The following ATRNL1 variants were observed in gnomAD, a reference collection of about 807,000 sequenced individuals.
The protein encoded by ATRNL1 is attractin like 1.
In ATRNL1, 95 loss-of-function variants were observed where a neutral mutation model predicts 182.7. The ratio of observed to expected loss-of-function variants is 0.52; its 90% CI spans 0.44 to 0.62. The LOEUF (loss-of-function observed/expected upper bound fraction) is 0.62. Ranked by LOEUF, ATRNL1 falls within the 20% of genes least tolerant of loss-of-function variation. The pLI is 0.00. For synonymous variants in ATRNL1, 576 were observed against 568.3 expected (o/e 1.01, Z -0.19); for missense variants, 1,471 against 1,679.5 (o/e 0.88, Z 2.17).
intron 8 of ATRNL1, among the ~76,000 whole-genome samples, chr10:115,186,572 G>A (rs1340318690): frequency 6.6e-6 from 1 of 151,956 alleles, no homozygotes; most frequent in Admixed American, 6.6e-5. Flanking sequence ...GATGGAACTG[G>A]AAATCATTAA....
At chr10:115,479,100 C>G (rs974908150) in intron 24 of ATRNL1, among the ~76,000 whole-genome samples, 3 of 151,546 alleles carry the variant, frequency 2.0e-5, no homozygotes, top group Admixed American at 6.6e-5. Flanking sequence ...GCAAAATTCA[C>G]TGGTTCTATT....
rs1460149611 is a variant in ATRNL1, at chr10:115,549,360, AC to A, written c.3717-97del. 8 of 634,088 alleles carry A rather than the reference AC, an allele frequency of 1.3e-5. No individual in the cohort carries two copies. The Admixed American group carries it at 3.2e-4, about 25-fold the overall frequency. The allele number at this position is 634,088 out of a possible 1,614,324, so 39.3% of individuals were successfully genotyped here. A position where few individuals can be genotyped will look rare whatever the true frequency, so the allele number is the denominator to read the frequency against. ...GATTGTTTACCTAGACAAAGTTATT[AC>A]TTATATATATATGTATTTGAGTCTT... On this transcript the variant is annotated intron_variant, in intron 25 of 28. Transcript: ENST00000355044.
intron 27 of ATRNL1, among the ~76,000 whole-genome samples, chr10:115,739,944 A>G (rs1452939350): frequency 6.6e-6 from 1 of 152,208 alleles, no homozygotes; most frequent in Non-Finnish European, 1.5e-5. Flanking sequence ...TACACGCAGT[A>G]GGAGATAATC....
intron 26 of ATRNL1, among the ~76,000 whole-genome samples, chr10:115,561,658 G>A (rs1471656813): frequency 7.8e-6 from 1 of 128,928 alleles, no homozygotes; most frequent in Non-Finnish European, 1.6e-5. Flanking sequence ...TGCAGATACC[G>A]AGGGACAACT....
chr10:115,679,367 C>T (rs1372758923), intron 26 of ATRNL1, among the ~76,000 whole-genome samples: 2 of 151,786 alleles, frequency 1.3e-5, no homozygotes, highest in South Asian at 4.2e-4. Context: ...GTACAACCCT[C>T]TCTGAAACTC....
intron 26 of ATRNL1, among the ~76,000 whole-genome samples, chr10:115,568,805 C>T (rs188377343): frequency 6.6e-6 from 1 of 151,894 alleles, no homozygotes; most frequent in East Asian, 1.9e-4. Flanking sequence ...TCACATTTAT[C>T]TATAACCTAG....
chr10:115,547,244 G>T (rs1852708359), intron 25 of ATRNL1, among the ~76,000 whole-genome samples: 1 of 140,684 alleles, frequency 7.1e-6, no homozygotes, highest in African/African-American at 2.7e-5. Context: ...GACAGAGTGA[G>T]ACTCCATCTC....
At chr10:115,636,628 C>T (rs989284729) in intron 26 of ATRNL1, among the ~76,000 whole-genome samples, 14 of 152,128 alleles carry the variant, frequency 9.2e-5, no homozygotes, top group Admixed American at 9.2e-4. Context: ...AAAGTGATTT[C>T]ATCTTTTATA....
At chr10:115,350,687 G>A (rs189099575) in intron 19 of ATRNL1, among the ~76,000 whole-genome samples, 3 of 152,152 alleles carry the variant, frequency 2.0e-5, no homozygotes, top group South Asian at 4.2e-4. Context: ...ACCATAATTC[G>A]AAGTCAGGTA....
chr10:115,547,935 T>G (rs964881597), intron 25 of ATRNL1, among the ~76,000 whole-genome samples: 1 of 152,230 alleles, frequency 6.6e-6, no homozygotes, highest in Non-Finnish European at 1.5e-5. Flanking sequence ...TTAGTATCAC[T>G]GACTTTTTAA....
intron 10 of ATRNL1, among the ~76,000 whole-genome samples, chr10:115,255,297 C>T (rs1851071885): frequency 6.6e-6 from 1 of 152,026 alleles, no homozygotes; most frequent in Non-Finnish European, 1.5e-5. Flanking sequence ...TGTTTGTGTC[C>T]TCTTTTATTT....
intron 5 of ATRNL1, among the ~76,000 whole-genome samples, chr10:115,148,820 G>A (rs1316302803): frequency 1.4e-5 from 2 of 146,142 alleles, no homozygotes; most frequent in Non-Finnish European, 3.0e-5. Flanking sequence ...TGCGATCTTG[G>A]CTCACTGCAA....
At chr10:115,239,377 C>T (rs374909761) in intron 9 of ATRNL1, among the ~76,000 whole-genome samples, 2 of 151,962 alleles carry the variant, frequency 1.3e-5, no homozygotes, top group South Asian at 2.1e-4. Context: ...GGACTACAGG[C>T]GCAGGCTACC....
chr10:115,631,314 T>C (rs1346287803), intron 26 of ATRNL1, among the ~76,000 whole-genome samples: 2 of 152,080 alleles, frequency 1.3e-5, no homozygotes, highest in African/African-American at 4.8e-5. Context: ...TATCAAAATA[T>C]ATTGTATACC....
At chr10:115,125,332 T>A (rs1264390506) in intron 3 of ATRNL1, among the ~76,000 whole-genome samples, 1 of 152,196 alleles carries the variant, frequency 6.6e-6, no homozygotes, top group Non-Finnish European at 1.5e-5. Context: ...GAAGGTTGCC[T>A]AGCTGGTAAG....
chr10:115,674,671 T>C (rs782070834), intron 26 of ATRNL1, among the ~76,000 whole-genome samples: 3 of 152,114 alleles, frequency 2.0e-5, no homozygotes, highest in African/African-American at 4.8e-5. Flanking sequence ...AGAGATCTTC[T>C]TGGAAAATTC....
Position 115,739,197 on chromosome 10 carries a change from G to C in ATRNL1, c.3903+11842G>C, listed in dbSNP as rs1643843843. Among the ~76,000 whole-genome samples the C allele has an allele frequency of 2.6e-5, 4 of 152,218 alleles. No homozygotes were observed. The South Asian group carries it at 8.3e-4, about 32-fold the overall frequency. On this transcript the variant is annotated intron_variant, in intron 27 of 28. Coordinates refer to ENST00000355044, the MANE Select transcript of ATRNL1 (RefSeq NM_207303.4). ...GGATGTACAAAAGGCTTATAGTCCT[G>C]ATCAACCTTATTCATACTGGCTGCC...
intron 21 of ATRNL1, among the ~76,000 whole-genome samples, chr10:115,461,365 A>G (rs1847788396): frequency 6.6e-6 from 1 of 152,116 alleles, no homozygotes; most frequent in African/African-American, 2.4e-5. Context: ...AATTCCTTGT[A>G]TCATTGTGAA....
chr10:115,640,626 A>G (rs1432983496), intron 26 of ATRNL1, among the ~76,000 whole-genome samples: 5 of 151,536 alleles, frequency 3.3e-5, no homozygotes, highest in South Asian at 2.1e-4. Flanking sequence ...ATGGGGTTGT[A>G]TTTTTCTTGT....
Sources: gnomAD v4.1 joint callset for allele counts (sites outside exome capture counted in the v4.1 genomes callset) on GRCh38, gnomAD v4.1.1 for gene constraint, MANE v1.5 for transcripts, NCBI Gene and HGNC (gene_info 2026-07-23, HGNC 2026-07-21) for gene names.